The following PGAP2 variants were observed in gnomAD, a reference collection of about 807,000 sequenced individuals.
The protein encoded by PGAP2 is post-GPI attachment to proteins 2.
PGAP2 carries 21 observed loss-of-function variants against 33.2 expected under a neutral mutation model. That is an observed-to-expected ratio of 0.63 (90% CI 0.45 to 0.91). The LOEUF is 0.91. Ranked by LOEUF, PGAP2 falls within the 40% of genes least tolerant of loss-of-function variation. The probability of loss-of-function intolerance (pLI) is 0.00; values close to 1 mark genes in which losing one functional copy is unlikely to be tolerated. For missense variants in PGAP2, 345 were observed against 424.0 expected, an observed-to-expected ratio of 0.81 and a Z score of 1.64; for synonymous variants, 161 against 172.9, an observed-to-expected ratio of 0.93 and a Z score of 0.54.
chr11:3,804,672 T>A (rs555589327), upstream of PGAP2, among the ~76,000 whole-genome samples: 1 of 152,280 alleles, frequency 6.6e-6, no homozygotes, highest in East Asian at 1.9e-4. Context: ...TTCTTTTTAT[T>A]TTTGTATTTT....
upstream of PGAP2, among the ~76,000 whole-genome samples, chr11:3,807,316 T>G (rs575593095): frequency 1.8e-3 from 262 of 147,074 alleles, 2 homozygotes; most frequent in Middle Eastern, 0.01. Flanking sequence ...CAGGTTTTTT[T>G]TTTTTTTTTT....
Position 3,812,251 on chromosome 11 carries a change from C to T in PGAP2, c.165+827C>T, listed in dbSNP as rs527461117. On this transcript the variant is annotated intron_variant, in intron 2 of 6. Coordinates refer to ENST00000278243, the MANE Select transcript of PGAP2 (RefSeq NM_014489.4). ...ATTACCTGAGACAGAGACCCAGCCT[C>T]AGTTTCCTCATGTCTGAAATAGAAT... Among the ~76,000 whole-genome samples the T allele has an allele frequency of 4.6e-5, 7 of 152,238 alleles. No homozygotes were observed. In the East Asian group the frequency reaches 1.2e-3, roughly 25 times the overall value.
chr11:3,808,175 A>G (rs924263883), upstream of PGAP2: 3 of 1,477,216 alleles, frequency 2.0e-6, no homozygotes, highest in Admixed American at 6.1e-5. Flanking sequence ...AAACTGGCTT[A>G]ATGTTTCAGA....
intron 1 of PGAP2, 42 bp downstream of exon 1, chr11:3,808,693 A>C: frequency 1.9e-6 from 2 of 1,062,784 alleles, no homozygotes; most frequent in Non-Finnish European, 2.3e-6. Context: ...GGGCAGCCCC[A>C]CTCGGGAGCT....
intron 3 of PGAP2, among the ~76,000 whole-genome samples, chr11:3,818,688 G>A (rs983380286): frequency 6.6e-6 from 1 of 152,204 alleles, no homozygotes; most frequent in Non-Finnish European, 1.5e-5. Context: ...CCTTTCCTGG[G>A]GGCCCAGGGA....
chr11:3,822,832 C>A (rs2089125219), intron 3 of PGAP2: 1 of 776,298 alleles, frequency 1.3e-6, no homozygotes, highest in Non-Finnish European at 2.1e-6. Flanking sequence ...GTTCAGTCAT[C>A]CCCCATCCTT....
At chr11:3,797,786 C>T, upstream of PGAP2, 3 of 1,540,482 alleles carry the variant, frequency 1.9e-6, no homozygotes, top group East Asian at 2.5e-5. Flanking sequence ...CCCTCGCCGC[C>T]GCGGTTGGCG....
chr11:3,799,370 T>C (rs2083124421), intron 1 of PGAP2, among the ~76,000 whole-genome samples: 1 of 151,680 alleles, frequency 6.6e-6, no homozygotes, highest in East Asian at 2.0e-4. Flanking sequence ...AAACCCTGTC[T>C]CTACTAAGAA....
intron 3 of PGAP2, chr11:3,818,059 A>AAAG: frequency 8.5e-6 from 2 of 234,624 alleles, no homozygotes; most frequent in South Asian, 3.1e-5. Context: ...AAACAAAACA[A>AAAG]AATAAAAAAA....
Position 3,825,101 on chromosome 11 carries a change from C to T in PGAP2, c.790C>T (p.Arg264Trp), listed in dbSNP as rs765407513. The change falls in exon 6 of 7, where the codon CGG (arginine) becomes TGG (tryptophan). Residue 264 changes from arginine to tryptophan, a missense_variant. Transcript: ENST00000278243. The stretch of plus-strand genomic sequence containing the variant: ...CTTCTCGGCGCTGGCTGTCTACTTT[C>T]GGCACAACATGTATTGTGAGGCTGG... The part of the protein sequence containing the change: ...SFFSALAVYF[R>W]HNMYCEAGVY... The T allele has an allele frequency of 1.1e-4, 174 of 1,614,066 alleles. No homozygotes were observed. Among genetic ancestry groups the T allele is most frequent in the Non-Finnish European group, 1.4e-4 (165 of 1,180,034 alleles).
intron 3 of PGAP2, chr11:3,823,054 T>TTTCTG (rs1316682518): frequency 1.8e-6 from 1 of 564,910 alleles, no homozygotes; most frequent in African/African-American, 2.4e-5. Context: ...TTTTTTTTTT[T>TTTCTG]GAGACAGAGT....
rs764644595 is a variant in PGAP2, at chr11:3,824,295, G to A, written c.627G>A (p.Val209=). Residue 209 remains valine, a synonymous_variant, in exon 5 of 7, where the codon GTG becomes GTA. Coordinates refer to ENST00000278243, the MANE Select transcript of PGAP2 (RefSeq NM_014489.4). ...DFTIHENAFI[V]FIASSLGHML... ...CCATCCACGAAAATGCTTTCATTGT[G>A]TTCATTGCCTCATCCCTCGGGCACA... 6 of 1,614,222 alleles carry A rather than the reference G, an allele frequency of 3.7e-6. No individual in the cohort carries two copies. The Admixed American group carries it at 1.0e-4, about 27-fold the overall frequency.
chr11:3,808,517 CCTCT>C (rs1379923680), upstream of PGAP2: 3 of 1,407,378 alleles, frequency 2.1e-6, no homozygotes, highest in South Asian at 3.1e-5. Flanking sequence ...GGCGCAGTTT[CCTCT>C]CTAAGTTCCG....
chr11:3,817,109 G>A (rs1442083919), intron 2 of PGAP2, among the ~76,000 whole-genome samples: 2 of 152,128 alleles, frequency 1.3e-5, no homozygotes, highest in Non-Finnish European at 2.9e-5. Flanking sequence ...TTCAAGAGGT[G>A]GACCTAGAGT....
At position 3,801,241 on chromosome 11, in the gene PGAP2, GC is replaced by G. The variant is rs764770493; in HGVS notation, c.139+3261del. Among the ~76,000 whole-genome samples, 147 of 152,270 alleles carry G rather than the reference GC, an allele frequency of 9.7e-4. 3 individuals carry two copies. Among genetic ancestry groups the G allele is most frequent in the African/African-American group, 3.4e-3 (141 of 41,562 alleles). On this transcript the variant is annotated intron_variant, in intron 1 of 6. Transcript: ENST00000300730. ...TAAAATGGGGATAACAACCACATTT[GC>G]CTTACAGGGTCGTAGTGAGCATTAA...
At chr11:3,812,296 G>T (rs1009304234) in intron 2 of PGAP2, among the ~76,000 whole-genome samples, 4 of 152,166 alleles carry the variant, frequency 2.6e-5, no homozygotes, top group Non-Finnish European at 5.9e-5. Context: ...GGGCATGGGG[G>T]TATGCACCTG....
At chr11:3,799,762 A>G (rs1193632435) in intron 1 of PGAP2, among the ~76,000 whole-genome samples, 3 of 152,188 alleles carry the variant, frequency 2.0e-5, no homozygotes, top group Non-Finnish European at 4.4e-5. Context: ...TGAACCCAGG[A>G]GTTCGAGACC....
chr11:3,800,545 C>T (rs1350848165), intron 1 of PGAP2, among the ~76,000 whole-genome samples: 1 of 152,096 alleles, frequency 6.6e-6, no homozygotes, highest in Non-Finnish European at 1.5e-5. Context: ...GGCGGGATGG[C>T]TCACGCCTGT....
At chr11:3,819,488 G>A (rs920820149) in intron 3 of PGAP2, among the ~76,000 whole-genome samples, 5 of 152,018 alleles carry the variant, frequency 3.3e-5, no homozygotes, top group Admixed American at 1.3e-4. Context: ...TTGGCATGGG[G>A]CGGGGGACAG....
Sources: allele counts gnomAD v4.1 joint callset (sites outside exome capture counted in the v4.1 genomes callset), GRCh38; gene constraint gnomAD v4.1.1; transcripts MANE v1.5; gene names NCBI Gene and HGNC (gene_info 2026-07-23, HGNC 2026-07-21).